Variants in AP4S1 observed in about 807,000 individuals in gnomAD.
The protein encoded by AP4S1 is adaptor related protein complex 4 subunit sigma 1.
A neutral mutation model predicts 19.8 loss-of-function variants in AP4S1; 23 were observed. The observed-to-expected ratio is 1.16, with a 90% CI of 0.84 to 1.65. AP4S1 has a LOEUF of 1.65. Ranked by LOEUF, AP4S1 falls within the 40% of genes most tolerant of loss-of-function variation. The pLI, the probability that AP4S1 is intolerant of heterozygous loss-of-function variation, is 0.00. For missense variants in AP4S1, 166 were observed against 172.8 expected, an observed-to-expected ratio of 0.96 and a Z score of 0.22; for synonymous variants, 46 against 54.1, an observed-to-expected ratio of 0.85 and a Z score of 0.66.
chr14:31,061,670 G>A (rs1002347912), intron 1 of AP4S1, among the ~76,000 whole-genome samples: 43 of 150,868 alleles, frequency 2.9e-4, no homozygotes, highest in Admixed American at 1.4e-3. Context: ...TTGAGATGGA[G>A]TCTCGCTCTG....
At chr14:31,032,271 C>T (rs1594622486) in intron 1 of AP4S1, among the ~76,000 whole-genome samples, 1 of 152,126 alleles carries the variant, frequency 6.6e-6, no homozygotes, top group African/African-American at 2.4e-5. Context: ...TTTGAAACTT[C>T]CTAAATAGGG....
At chr14:31,073,401 A>G (rs548074491) in intron 4 of AP4S1, among the ~76,000 whole-genome samples, 6 of 134,926 alleles carry the variant, frequency 4.4e-5, no homozygotes, top group East Asian at 2.2e-4. Context: ...GAGGCAGGAG[A>G]ATGGCGTGAA....
At chr14:31,035,424 C>T (rs1257310660) in intron 1 of AP4S1, among the ~76,000 whole-genome samples, 2 of 151,704 alleles carry the variant, frequency 1.3e-5, no homozygotes, top group Non-Finnish European at 2.9e-5. Context: ...ATCTCCTGAC[C>T]TTGTGATCTG....
At chr14:31,029,680 G>A (rs1884270511) in intron 1 of AP4S1, among the ~76,000 whole-genome samples, 1 of 151,988 alleles carries the variant, frequency 6.6e-6, no homozygotes, top group African/African-American at 2.4e-5. Flanking sequence ...TAGCCAGAGT[G>A]GCCACGTGAG....
rs1888120399 is a variant in AP4S1, at chr14:31,093,111, A to G, written c.*76A>G. 7.0e-7 allele frequency: 1 copy of G among 1,438,146 alleles called. No individual in the cohort carries two copies. Among genetic ancestry groups the G allele is most frequent in the Non-Finnish European group, 9.2e-7 (1 of 1,082,734 alleles). The allele number at this position is 1,438,146 out of a possible 1,614,324, so 89.1% of individuals were successfully genotyped here. A position where few individuals can be genotyped will look rare whatever the true frequency, so the allele number is the denominator to read the frequency against. On this transcript the variant is annotated 3_prime_UTR_variant, in exon 6 of 6. Coordinates refer to ENST00000542754, the MANE Select transcript of AP4S1 (RefSeq NM_001128126.3). ...GGAATACATCTCAACATGTTAACCC[A>G]GAAGAATCTGGAAGACCACAATTAC...
intron 2 of AP4S1, among the ~76,000 whole-genome samples, chr14:31,067,781 A>G (rs1369354340): frequency 6.6e-6 from 1 of 151,882 alleles, no homozygotes; most frequent in Non-Finnish European, 1.5e-5. Flanking sequence ...GGCCTCCTAA[A>G]GTGCTGGAAT....
chr14:31,069,950 T>C (rs990630832), intron 3 of AP4S1, 21 bp downstream of exon 3: 33 of 1,565,400 alleles, frequency 2.1e-5, no homozygotes, highest in Non-Finnish European at 2.6e-5. Context: ...AGAAGAGCCC[T>C]TGGAAAATGC....
chr14:31,084,304 C>T (rs891153519), intron 5 of AP4S1, among the ~76,000 whole-genome samples: 1 of 152,166 alleles, frequency 6.6e-6, no homozygotes, highest in Admixed American at 6.5e-5. Context: ...GGCTTTTCCC[C>T]CTGATTTTTT....
chr14:31,094,255 C>T lies in AP4S1; in HGVS notation c.*1220C>T, dbSNP rs1157779443. ...CTGGACTGCAGTGGCTTTTCACAAG[C>T]ATGATCATGTTGTACTACAACCTTG... On this transcript the variant is annotated 3_prime_UTR_variant, in exon 6 of 6. Coordinates refer to ENST00000542754, the MANE Select transcript of AP4S1 (RefSeq NM_001128126.3). The T allele has an allele frequency of 6.5e-6, 1 of 152,898 alleles. No homozygotes were observed. Among genetic ancestry groups the T allele is most frequent in the African/African-American group, 2.4e-5 (1 of 41,454 alleles). The allele number at this position is 152,898 out of a possible 1,614,324, so 9.5% of individuals were successfully genotyped here.
At chr14:31,059,951 T>G (rs1886327590) in intron 1 of AP4S1, among the ~76,000 whole-genome samples, 1 of 141,046 alleles carries the variant, frequency 7.1e-6, no homozygotes, top group African/African-American at 2.6e-5. Flanking sequence ...ATATATTTAT[T>G]TATTTATGTA....
intron 1 of AP4S1, among the ~76,000 whole-genome samples, chr14:31,035,789 G>GCA (rs2139427487): frequency 6.6e-6 from 1 of 151,476 alleles, no homozygotes; most frequent in South Asian, 2.1e-4. Flanking sequence ...GAGTGCAGTG[G>GCA]TGCGATCTCG....
At chr14:31,049,085 CAA>C (rs528216397) in intron 1 of AP4S1, among the ~76,000 whole-genome samples, 1 of 148,752 alleles carries the variant, frequency 6.7e-6, no homozygotes, top group African/African-American at 2.5e-5. Context: ...CCCATCTCTA[CAA>C]AAAAAAACAA....
rs757463330 is a variant in AP4S1, at chr14:31,069,908, G to A, written c.204G>A (p.Val68=). ...GGCAGTATGCAGCTCTCTTCATTGT[G>A]GTTGGAGTTAATGACACTGAGGTAA... is the stretch of plus-strand genomic sequence containing the variant. ...IYRQYAALFI[V]VGVNDTENEM... Residue 68 remains valine (V), a synonymous_variant, in exon 3 of 6, where the codon GTG becomes GTA. Coordinates refer to ENST00000542754, the MANE Select transcript of AP4S1 (RefSeq NM_001128126.3). 1 of 1,613,104 alleles carries A rather than the reference G, an allele frequency of 6.2e-7. No individual in the cohort carries two copies. The highest frequency in any genetic ancestry group is 8.5e-7 in the Non-Finnish European group (1 of 1,179,098).
At chr14:31,052,585 A>C (rs1226142154) in intron 1 of AP4S1, among the ~76,000 whole-genome samples, 1 of 151,888 alleles carries the variant, frequency 6.6e-6, no homozygotes, top group Non-Finnish European at 1.5e-5. Context: ...AAAATTAGGC[A>C]GGCATGGTGG....
At chr14:31,058,211 T>C (rs1179877898) in intron 1 of AP4S1, among the ~76,000 whole-genome samples, 1 of 152,152 alleles carries the variant, frequency 6.6e-6, no homozygotes, top group Admixed American at 6.6e-5. Context: ...ATTACAGGCA[T>C]GAACCACCTC....
chr14:31,071,419 A>G (rs1886992785), intron 3 of AP4S1, among the ~76,000 whole-genome samples: 1 of 152,104 alleles, frequency 6.6e-6, no homozygotes, highest in South Asian at 2.1e-4. Flanking sequence ...ACTTCAAAAA[A>G]AAGAAAAAAA....
intron 1 of AP4S1, among the ~76,000 whole-genome samples, chr14:31,034,637 A>G (rs1476375944): frequency 1.6e-5 from 2 of 123,462 alleles, no homozygotes; most frequent in African/African-American, 6.5e-5. Context: ...TTTTTTTTAG[A>G]CAGAGTCTTG....
chr14:31,045,181 C>T (rs1252659044), intron 1 of AP4S1, among the ~76,000 whole-genome samples: 3 of 152,134 alleles, frequency 2.0e-5, no homozygotes, highest in Non-Finnish European at 2.9e-5. Context: ...GGATTGCAGG[C>T]GTGAGCCACC....
intron 5 of AP4S1, chr14:31,085,506 GC>G: frequency 1.0e-6 from 1 of 985,982 alleles, no homozygotes; most frequent in Non-Finnish European, 1.2e-6. Flanking sequence ...GGGCACAGTG[GC>G]TCACGCCAGT....
Sources: allele counts gnomAD v4.1 joint callset (sites outside exome capture counted in the v4.1 genomes callset), GRCh38; gene constraint gnomAD v4.1.1; transcripts MANE v1.5; gene names NCBI Gene and HGNC (gene_info 2026-07-23, HGNC 2026-07-21).